The following LRRIQ1 variants were observed in gnomAD, a reference collection of about 807,000 sequenced individuals.
LRRIQ1 encodes the protein leucine-rich repeat- and IQ domain-containing protein 1.
LRRIQ1 carries 210 observed loss-of-function variants against 211.9 expected under a neutral mutation model. The ratio of observed to expected loss-of-function variants is 0.99; its 90% CI spans 0.89 to 1.11. The LOEUF (loss-of-function observed/expected upper bound fraction) is 1.11. Among genes scored for constraint, LRRIQ1 ranks in the 50% most tolerant of loss-of-function variants. The pLI is 0.00. For synonymous variants in LRRIQ1, 699 were observed against 650.1 expected (o/e 1.08, Z -1.14); for missense variants, 2,136 against 1,939.5 (o/e 1.10, Z -1.90).
intron 18 of LRRIQ1, among the ~76,000 whole-genome samples, chr12:85,135,475 A>C (rs1025567001): frequency 6.6e-6 from 1 of 151,790 alleles, no homozygotes; most frequent in African/African-American, 2.4e-5. Context: ...GATACTTTCT[A>C]TCTACTATTC....
At chr12:85,117,713 C>A (rs1345563261) in intron 15 of LRRIQ1, among the ~76,000 whole-genome samples, 1 of 152,120 alleles carries the variant, frequency 6.6e-6, no homozygotes, top group African/African-American at 2.4e-5. Flanking sequence ...TGAAAAAGGT[C>A]CAGCAACAGA....
At chr12:85,045,323 A>T (rs1879406919) in intron 4 of LRRIQ1, among the ~76,000 whole-genome samples, 1 of 151,814 alleles carries the variant, frequency 6.6e-6, no homozygotes, top group African/African-American at 2.4e-5. Context: ...CTAAAGATTC[A>T]CTTCTTAGAT....
Position 85,098,911 on chromosome 12 carries a change from G to C in LRRIQ1, c.3126G>C (p.Leu1042Phe), listed in dbSNP as rs1886127987. ...ENLVLLRELH[L>F]DDNSISTVEA... Reference sequence around the variant, plus strand: ...TTGTTTTACTAAGAGAATTGCACTTGGATGATAACAGCATTTCAACTGTGG... The same window carrying C: ...TTGTTTTACTAAGAGAATTGCACTTCGATGATAACAGCATTTCAACTGTGG... Residue 1042 changes from leucine (L) to phenylalanine (F), a missense_variant, in exon 13 of 27, where the codon TTG (leucine) becomes TTC (phenylalanine). Transcript: ENST00000393217. 16 of 1,566,804 alleles carry C rather than the reference G, an allele frequency of 1.0e-5. No homozygotes were observed. Among genetic ancestry groups the C allele is most frequent in the South Asian group, 2.4e-5 (2 of 83,756 alleles).
intron 11 of LRRIQ1, among the ~76,000 whole-genome samples, chr12:85,091,583 G>C (rs1189081808): frequency 2.6e-5 from 4 of 152,070 alleles, no homozygotes; most frequent in Admixed American, 2.6e-4. Context: ...TGACAAGGCT[G>C]ATATCCAGCA....
intron 10 of LRRIQ1, among the ~76,000 whole-genome samples, chr12:85,072,636 G>A (rs1182693942): frequency 2.7e-5 from 4 of 150,244 alleles, no homozygotes; most frequent in East Asian, 3.9e-4. Context: ...TTTTAGCTTT[G>A]ACTATTATGT....
At chr12:85,120,572 C>T (rs1020222288) in intron 15 of LRRIQ1, among the ~76,000 whole-genome samples, 1 of 152,088 alleles carries the variant, frequency 6.6e-6, no homozygotes, top group African/African-American at 2.4e-5. Context: ...AAATACCTTG[C>T]TATAATTTTG....
chr12:85,226,897 A>C (rs1167653866), intron 24 of LRRIQ1, among the ~76,000 whole-genome samples: 1 of 151,852 alleles, frequency 6.6e-6, no homozygotes, highest in Non-Finnish European at 1.5e-5. Flanking sequence ...CATGGTGTAT[A>C]TGTGCCACAT....
intron 24 of LRRIQ1, among the ~76,000 whole-genome samples, chr12:85,202,734 A>G (rs889706991): frequency 6.6e-6 from 1 of 152,130 alleles, no homozygotes; most frequent in Non-Finnish European, 1.5e-5. Flanking sequence ...GCTTCTTTAT[A>G]CAGCTTGCCA....
intron 24 of LRRIQ1, among the ~76,000 whole-genome samples, chr12:85,191,961 G>A (rs911867979): frequency 7.3e-5 from 11 of 151,644 alleles, no homozygotes; most frequent in Non-Finnish European, 1.5e-4. Context: ...ATTTTAATGG[G>A]GTTGTTCGTT....
In LRRIQ1 at chr12:85,038,263, T is replaced by C. The variant is rs746435033; in HGVS notation, c.87T>C (p.Ile29=). Residue 29 remains isoleucine, a synonymous_variant, in exon 2 of 27, where the codon ATT becomes ATC. Transcript: ENST00000393217. ...TTTCCTCCTTGGAAAAAGAAGACATTGAGAGTGATGCAAAATCAGAAACCC... is the reference window on the plus strand; with the variant it reads ...TTTCCTCCTTGGAAAAAGAAGACATCGAGAGTGATGCAAAATCAGAAACCC... ...LSISSLEKED[I]ESDAKSETQS... The C allele has an allele frequency of 3.8e-6, 6 of 1,585,104 alleles. No homozygotes were observed. In the South Asian group the frequency reaches 6.9e-5, roughly 18 times the overall value.
Position 85,111,102 on chromosome 12 carries a change from A to T in LRRIQ1, c.3377+4487A>T, listed in dbSNP as rs918477710. On this transcript the variant is annotated intron_variant, in intron 15 of 26. Transcript: ENST00000393217. ...CAATACTAGATTATTTCTTGTTTACATTACATTTGATGTGGGTTCAGCCTG... is the reference window on the plus strand; with the variant it reads ...CAATACTAGATTATTTCTTGTTTACTTTACATTTGATGTGGGTTCAGCCTG... Among the ~76,000 whole-genome samples, 3 of 152,234 alleles carry T rather than the reference A, an allele frequency of 2.0e-5. No homozygotes were observed. The East Asian group carries it at 5.8e-4, about 29-fold the overall frequency.
chr12:85,255,087 T>C (rs1896051454), intron 1 of LRRIQ1, among the ~76,000 whole-genome samples: 1 of 151,914 alleles, frequency 6.6e-6, no homozygotes, highest in Admixed American at 6.6e-5. Context: ...TCATTTTTAG[T>C]TTCATAGACC....
At chr12:85,177,293 C>T (rs890616605) in intron 24 of LRRIQ1, among the ~76,000 whole-genome samples, 39 of 151,958 alleles carry the variant, frequency 2.6e-4, no homozygotes, top group African/African-American at 8.9e-4. Flanking sequence ...ACACAAACCA[C>T]CTGTAATAGA....
intron 24 of LRRIQ1, among the ~76,000 whole-genome samples, chr12:85,174,701 CAA>C (rs71076115): frequency 1.5e-3 from 33 of 21,598 alleles, no homozygotes; most frequent in African/African-American, 9.9e-3. Context: ...GAGTACAGCT[CAA>C]AAAAAAAAAA....
chr12:85,193,405 T>G (rs1293906509), intron 24 of LRRIQ1, among the ~76,000 whole-genome samples: 1 of 131,746 alleles, frequency 7.6e-6, no homozygotes, highest in Non-Finnish European at 1.6e-5. Flanking sequence ...GGAAAAAATG[T>G]TAAGGGCAGC....
intron 8 of LRRIQ1, among the ~76,000 whole-genome samples, chr12:85,060,442 C>A (rs1375184680): frequency 6.6e-6 from 1 of 151,544 alleles, no homozygotes; most frequent in African/African-American, 2.4e-5. Context: ...TAATAACCAC[C>A]ACAAAAAAGG....
At chr12:85,252,134 C>T (rs188386927) in intron 1 of LRRIQ1, among the ~76,000 whole-genome samples, 1 of 151,660 alleles carries the variant, frequency 6.6e-6, no homozygotes, top group Non-Finnish European at 1.5e-5. Flanking sequence ...TTTATAAAAT[C>T]AAGTTGAATT....
chr12:85,082,968 A>G (rs1884451674), intron 11 of LRRIQ1, among the ~76,000 whole-genome samples: 1 of 152,180 alleles, frequency 6.6e-6, no homozygotes, highest in Non-Finnish European at 1.5e-5. Flanking sequence ...TCTGATCACT[A>G]TCTGAGCAAA....
chr12:85,173,836 A>T (rs1452960289), intron 24 of LRRIQ1, among the ~76,000 whole-genome samples: 1 of 152,126 alleles, frequency 6.6e-6, no homozygotes, highest in East Asian at 1.9e-4. Context: ...TTGGGGGTAC[A>T]CAAATATTTA....
Sources: gnomAD v4.1 joint callset for allele counts (sites outside exome capture counted in the v4.1 genomes callset) on GRCh38, gnomAD v4.1.1 for gene constraint, MANE v1.5 for transcripts, NCBI Gene and HGNC (gene_info 2026-07-23, HGNC 2026-07-21) for gene names.